LRFN2: variants seen among roughly 807,000 people sequenced by gnomAD.
LRFN2 encodes leucine rich repeat and fibronectin type III domain containing 2.
In LRFN2, 18 loss-of-function variants were observed where a neutral mutation model predicts 37.3. That is an observed-to-expected ratio of 0.48 (90% confidence interval 0.33 to 0.72). The LOEUF is 0.72. LRFN2 is among the 30% of genes least tolerant of loss of function. LRFN2 has a pLI of 0.02. For missense variants in LRFN2, 1,006 were observed against 1,060.7 expected (o/e 0.95, Z 0.72); for synonymous variants, 556 against 466.6 (o/e 1.19, Z -2.47).
chr6:40,500,549 A>C (rs1170408946), intron 1 of LRFN2, among the ~76,000 whole-genome samples: 1 of 152,252 alleles, frequency 6.6e-6, no homozygotes, highest in East Asian at 1.9e-4. Flanking sequence ...AGCAGTGTAC[A>C]AGGAAATAAT....
At chr6:40,406,478 C>T (rs1401570518) in intron 2 of LRFN2, among the ~76,000 whole-genome samples, 5 of 152,184 alleles carry the variant, frequency 3.3e-5, no homozygotes, top group African/African-American at 9.7e-5. Context: ...CTTGCTCTTC[C>T]CAGTTCTCCT....
chr6:40,511,914 T>C (rs1043511982), intron 1 of LRFN2, among the ~76,000 whole-genome samples: 4 of 152,124 alleles, frequency 2.6e-5, no homozygotes, highest in African/African-American at 9.7e-5. Context: ...GACCAAAGGA[T>C]GCTCAGGTGG....
At chr6:40,534,156 T>G (rs1435773899) in intron 1 of LRFN2, among the ~76,000 whole-genome samples, 2 of 152,078 alleles carry the variant, frequency 1.3e-5, no homozygotes, top group African/African-American at 2.4e-5. Flanking sequence ...TTTCGAACAT[T>G]CCAGGGGGCC....
intron 1 of LRFN2, among the ~76,000 whole-genome samples, chr6:40,585,453 T>C (rs1257187066): frequency 6.6e-6 from 1 of 152,084 alleles, no homozygotes; most frequent in East Asian, 1.9e-4. Context: ...TTCTGAATCC[T>C]CCCTACAGGA....
intron 1 of LRFN2, among the ~76,000 whole-genome samples, chr6:40,445,085 C>T (rs903581824): frequency 1.6e-4 from 24 of 152,162 alleles, no homozygotes; most frequent in African/African-American, 5.1e-4. Context: ...ACCAGCCCCA[C>T]GTGGGCATGC....
At position 40,587,333 on chromosome 6, in the gene LRFN2, C is replaced by T. The variant is rs1767522038; in HGVS notation, c.-411G>A. The T allele has an allele frequency of 6.6e-6, 1 of 152,176 alleles. No individual in the cohort carries two copies. The highest frequency in any genetic ancestry group is 1.5e-5 in the Non-Finnish European group (1 of 68,038). 9.4% of individuals were successfully genotyped at this position (152,176 alleles called of 1,614,324 possible). ...GGGGTGTCTTCAAGTTCAGACGAGCCTGCCGGGTTGTGTATGTGTGAGTGT... is the reference window on the plus strand; with the variant it reads ...GGGGTGTCTTCAAGTTCAGACGAGCTTGCCGGGTTGTGTATGTGTGAGTGT... On this transcript the variant is annotated 5_prime_UTR_variant, in exon 1 of 3. Coordinates refer to ENST00000338305, the MANE Select transcript of LRFN2 (RefSeq NM_020737.3). The surrounding 1 kb of genome is among the most constrained non-coding windows in gnomAD (Gnocchi z 4.2).
In LRFN2 at chr6:40,392,726, A is replaced by T. The variant is rs3734557; in HGVS notation, c.1587T>A (p.Ile529=). The change falls in exon 3 of 3, where the codon ATT becomes ATA. Residue 529 remains isoleucine (I), a synonymous_variant. Transcript: ENST00000338305. This position sits in a 1 kb window ranked among gnomAD's most constrained non-coding sequence, Gnocchi z 4.7. Reference sequence around the variant, plus strand: ...TGACCAGGATCATGGTGCCGCCCAGAATCTGGCTGTGCATGGACTGGCACT... The same window carrying T: ...TGACCAGGATCATGGTGCCGCCCAGTATCTGGCTGTGCATGGACTGGCACT... ...YPQCQSMHSQ[I]LGGTMILVIG... 1.2e-6 allele frequency: 2 copies of T among 1,613,786 alleles called. No homozygotes were observed. Among genetic ancestry groups the T allele is most frequent in the South Asian group, 2.2e-5 (2 of 91,078 alleles).
chr6:40,490,483 TCC>T (rs2113869414), intron 1 of LRFN2, among the ~76,000 whole-genome samples: 1 of 152,270 alleles, frequency 6.6e-6, no homozygotes, highest in East Asian at 1.9e-4. Context: ...CCTGTGGCTA[TCC>T]TGCAGAAGGA....
chr6:40,432,235 C>G lies in LRFN2; in HGVS notation c.879G>C (p.Gln293His). The part of the protein sequence containing the change: ...EFVCEPPLIT[Q>H]HTHKLLVLEG... ...CCAGAACCAGCAACTTGTGTGTGTG[C>G]TGGGTGATGAGAGGCGGCTCGCACA... The change falls in exon 2 of 3, where the codon CAG becomes CAC. Residue 293 changes from glutamine (Q) to histidine (H), a missense_variant. Gln to His is a conservative substitution (Grantham distance 24, BLOSUM62 0). Around this residue, in one of 4 missense-constraint regions of LRFN2, gnomAD observed 303 missense variants for 299.8 expected, o/e 1.01. Coordinates refer to ENST00000338305, the MANE Select transcript of LRFN2 (RefSeq NM_020737.3). 1 of 1,613,996 alleles carries G rather than the reference C, an allele frequency of 6.2e-7. No homozygotes were observed. Among genetic ancestry groups the G allele is most frequent in the African/African-American group, 1.3e-5 (1 of 75,040 alleles).
chr6:40,492,967 G>T (rs1309832031), intron 1 of LRFN2, among the ~76,000 whole-genome samples: 1 of 152,078 alleles, frequency 6.6e-6, no homozygotes, highest in African/African-American at 2.4e-5. Context: ...AGTGCTAAGT[G>T]CTTCAGTGAA....
intron 1 of LRFN2, among the ~76,000 whole-genome samples, chr6:40,471,562 T>C (rs73732667): frequency 0.063 from 9,643 of 151,954 alleles, 424 homozygotes; most frequent in East Asian, 0.16. Context: ...TTTTGAGGAG[T>C]GGAGCTACCT....
At chr6:40,466,545 A>C (rs1385416951) in intron 1 of LRFN2, among the ~76,000 whole-genome samples, 2 of 151,970 alleles carry the variant, frequency 1.3e-5, no homozygotes, top group African/African-American at 4.8e-5. Flanking sequence ...GGCAGAAAGG[A>C]GAGGCCCCCA....
At chr6:40,535,325 T>A (rs1766427939) in intron 1 of LRFN2, among the ~76,000 whole-genome samples, 1 of 152,192 alleles carries the variant, frequency 6.6e-6, no homozygotes, top group Admixed American at 6.5e-5. Context: ...CTATTATGAT[T>A]GCTCATCCTG....
chr6:40,582,432 ACAAT>A (rs1189171730), intron 1 of LRFN2, among the ~76,000 whole-genome samples: 1 of 151,924 alleles, frequency 6.6e-6, no homozygotes, highest in Non-Finnish European at 1.5e-5. Flanking sequence ...TCTCCTGCAG[ACAAT>A]CCCAAGCAGG....
chr6:40,541,301 G>T (rs1173073552), intron 1 of LRFN2, among the ~76,000 whole-genome samples: 2 of 152,170 alleles, frequency 1.3e-5, no homozygotes, highest in African/African-American at 2.4e-5. Context: ...ACACCTCCCT[G>T]ACCATTCATG....
At chr6:40,516,890 G>A (rs935821362) in intron 1 of LRFN2, among the ~76,000 whole-genome samples, 3 of 152,168 alleles carry the variant, frequency 2.0e-5, no homozygotes, top group African/African-American at 7.2e-5. Flanking sequence ...GGCCAGGAAG[G>A]TCTCATCCTC....
At chr6:40,486,153 A>C (rs1764953681) in intron 1 of LRFN2, among the ~76,000 whole-genome samples, 1 of 152,186 alleles carries the variant, frequency 6.6e-6, no homozygotes, top group African/African-American at 2.4e-5. Context: ...CCTTTGAAGA[A>C]TATGTAAGTC....
chr6:40,577,108 C>CTTCTCTTCTCTTCTCTTCTCTTCTCTTCT lies in LRFN2; in HGVS notation c.-19+9832_-19+9833insAGAAGAGAAGAGAAGAGAAGAGAAGAGAA, dbSNP rs1554145947. ...CTTTTCTTTTCTTTTCTTTTCCTTT[C>CTTCTCTTCTCTTCTCTTCTCTTCTCTTCT]TTTTCTTTTTAGATATGGAGTCTCG... On this transcript the variant is annotated intron_variant, in intron 1 of 2. Transcript: ENST00000338305. Among the ~76,000 whole-genome samples, 48 of 104,674 alleles carry CTTCTCTTCTCTTCTCTTCTCTTCTCTTCT rather than the reference C, an allele frequency of 4.6e-4. 7 individuals carry two copies. The highest frequency in any genetic ancestry group is 1.8e-3 in the African/African-American group (46 of 25,086). 68.7% of individuals were successfully genotyped at this position (104,674 alleles called of 152,430 possible).
In LRFN2 at chr6:40,417,075, G is replaced by A. The variant is rs77342954; in HGVS notation, c.1400+14639C>T. Among the ~76,000 whole-genome samples, 1,380 of 152,254 alleles carry A rather than the reference G, an allele frequency of 9.1e-3. 19 individuals carry two copies. The highest frequency in any genetic ancestry group is 0.03 in the African/African-American group (1,265 of 41,542). Reference sequence around the variant, plus strand: ...CCAGCCCCCGGCCCCTGAGGGAAGAGACTGCTGAGCACCAGCCAAGCCAAC... The same window carrying A: ...CCAGCCCCCGGCCCCTGAGGGAAGAAACTGCTGAGCACCAGCCAAGCCAAC... On this transcript the variant is annotated intron_variant, in intron 2 of 2. Transcript: ENST00000338305.
Sources: gnomAD v4.1 joint callset for allele counts (sites outside exome capture counted in the v4.1 genomes callset) on GRCh38, gnomAD v4.1.1 for gene constraint, gnomAD v4.1.1 regional missense constraint, Gnocchi (gnomAD v3.1) non-coding constraint, MANE v1.5 for transcripts, NCBI Gene and HGNC (gene_info 2026-07-23, HGNC 2026-07-21) for gene names.